ZNF385D: variants seen among roughly 807,000 people sequenced by gnomAD.
ZNF385D encodes zinc finger protein 659.
A neutral mutation model predicts 35.8 loss-of-function variants in ZNF385D; 15 were observed. The observed-to-expected ratio is 0.42, with a 90% confidence interval of 0.28 to 0.64. The LOEUF (loss-of-function observed/expected upper bound fraction) is 0.64. Ranked by LOEUF, ZNF385D falls within the 30% of genes least tolerant of loss-of-function variation. ZNF385D has a pLI of 0.23. For synonymous variants in ZNF385D, 212 were observed against 186.8 expected, an observed-to-expected ratio of 1.13 and a Z score of -1.10; for missense variants, 474 against 494.6, an observed-to-expected ratio of 0.96 and a Z score of 0.39.
chr3:21,799,446 A>G (rs146777945), intron 3 of ZNF385D, among the ~76,000 whole-genome samples: 17 of 152,254 alleles, frequency 1.1e-4, no homozygotes, highest in African/African-American at 4.1e-4. Context: ...AATTATAGGC[A>G]TCCTAGTGGG....
intron 2 of ZNF385D, among the ~76,000 whole-genome samples, chr3:22,277,154 TA>T (rs1196968872): frequency 6.6e-6 from 1 of 151,956 alleles, no homozygotes; most frequent in Non-Finnish European, 1.5e-5. Flanking sequence ...CAAAAGGAAG[TA>T]AAAAATGAAA....
chr3:22,102,570 A>G (rs965865243), intron 3 of ZNF385D, among the ~76,000 whole-genome samples: 1 of 152,090 alleles, frequency 6.6e-6, no homozygotes, highest in African/African-American at 2.4e-5. Context: ...GAAGATTAGC[A>G]ACTTCTTTGC....
intron 2 of ZNF385D, among the ~76,000 whole-genome samples, chr3:22,198,179 TAAAC>T (rs34450928): frequency 0.13 from 19,904 of 152,064 alleles, 1,518 homozygotes; most frequent in Middle Eastern, 0.23. Context: ...AGTGTCAAAA[TAAAC>T]AAAGAATTTC....
At chr3:21,742,039 T>C (rs1438423599) in intron 1 of ZNF385D, among the ~76,000 whole-genome samples, 2 of 151,824 alleles carry the variant, frequency 1.3e-5, no homozygotes, top group Non-Finnish European at 2.9e-5. Flanking sequence ...TAGCTGAACA[T>C]TTATTTCCAA....
chr3:22,041,000 G>C lies in ZNF385D; in HGVS notation c.325+127817C>G, dbSNP rs555925347. ...GTTCTTAGTATAGAAGCAGAGAATC[G>C]CATTTACTGGCTCAAGTAACTATAT... is the stretch of plus-strand genomic sequence containing the variant. On this transcript the variant is annotated intron_variant, in intron 3 of 5. Transcript: ENST00000494108. Among the ~76,000 whole-genome samples, 5 of 152,036 alleles carry C rather than the reference G, an allele frequency of 3.3e-5. No homozygotes were observed. The East Asian group carries it at 9.7e-4, about 29-fold the overall frequency.
At chr3:21,796,871 G>A (rs2072176669) in intron 3 of ZNF385D, among the ~76,000 whole-genome samples, 1 of 152,174 alleles carries the variant, frequency 6.6e-6, no homozygotes. Flanking sequence ...GTAACTTGTT[G>A]ACAGGTACAC....
intron 3 of ZNF385D, among the ~76,000 whole-genome samples, chr3:21,835,825 T>G (rs1002247085): frequency 1.3e-5 from 2 of 152,114 alleles, no homozygotes; most frequent in Admixed American, 1.3e-4. Flanking sequence ...TCCCTCCAAC[T>G]AAATGTCTCT....
At chr3:21,985,368 T>A (rs1365722802) in intron 3 of ZNF385D, among the ~76,000 whole-genome samples, 2 of 116,784 alleles carry the variant, frequency 1.7e-5, no homozygotes, top group Non-Finnish European at 3.5e-5. Context: ...TGAGAGTTTT[T>A]AGCATGAAGG....
At chr3:21,654,866 A>G (rs2066026592) in intron 2 of ZNF385D, among the ~76,000 whole-genome samples, 1 of 152,076 alleles carries the variant, frequency 6.6e-6, no homozygotes, top group Non-Finnish European at 1.5e-5. Flanking sequence ...GTCATGAAAC[A>G]AATATACTTG....
intron 3 of ZNF385D, among the ~76,000 whole-genome samples, chr3:22,127,844 A>G (rs185362472): frequency 1.3e-5 from 2 of 152,014 alleles, no homozygotes; most frequent in Middle Eastern, 3.4e-3. Context: ...ATATCATACT[A>G]TACTATCTAT....
intron 3 of ZNF385D, among the ~76,000 whole-genome samples, chr3:21,809,673 T>TACACATATAC (rs1559643974): frequency 2.5e-5 from 2 of 81,214 alleles, no homozygotes; most frequent in African/African-American, 9.7e-5. Flanking sequence ...TACACATATA[T>TACACATATAC]ACACACATAT....
chr3:21,654,110 T>C (rs767200151), intron 2 of ZNF385D, among the ~76,000 whole-genome samples: 12 of 151,964 alleles, frequency 7.9e-5, no homozygotes, highest in Non-Finnish European at 1.5e-4. Context: ...AAAAAAAAAC[T>C]TGAATATAGA....
intron 2 of ZNF385D, among the ~76,000 whole-genome samples, chr3:22,314,317 T>G (rs2125434079): frequency 6.6e-6 from 1 of 152,220 alleles, no homozygotes; most frequent in Non-Finnish European, 1.5e-5. Flanking sequence ...CGTATCATTC[T>G]TATGCCTTTG....
intron 2 of ZNF385D, among the ~76,000 whole-genome samples, chr3:22,189,273 C>G (rs192298666): frequency 2.4e-4 from 36 of 152,194 alleles, no homozygotes; most frequent in African/African-American, 8.2e-4. Context: ...GATTAACTTC[C>G]CTCTTACATA....
intron 3 of ZNF385D, among the ~76,000 whole-genome samples, chr3:22,050,829 C>A (rs1007361990): frequency 3.3e-5 from 5 of 152,182 alleles, no homozygotes; most frequent in African/African-American, 1.2e-4. Flanking sequence ...TCCTGACTTT[C>A]ACAATCTCTT....
intron 2 of ZNF385D, among the ~76,000 whole-genome samples, chr3:22,194,270 C>T (rs201788820): frequency 6.6e-6 from 1 of 151,648 alleles, no homozygotes; most frequent in Non-Finnish European, 1.5e-5. Context: ...TACATCGGTG[C>T]TATTTTATTA....
chr3:21,661,374 T>C (rs1037223910), intron 2 of ZNF385D, among the ~76,000 whole-genome samples: 1 of 152,194 alleles, frequency 6.6e-6, no homozygotes, highest in Non-Finnish European at 1.5e-5. Context: ...ACAAACTGAA[T>C]TGTTTTCATG....
intron 2 of ZNF385D, among the ~76,000 whole-genome samples, chr3:22,294,625 G>C (rs1702472449): frequency 6.6e-6 from 1 of 151,968 alleles, no homozygotes; most frequent in South Asian, 2.1e-4. Flanking sequence ...GAGTGAAAGA[G>C]ACCAGATTTG....
chr3:21,487,904 A>T lies in ZNF385D; in HGVS notation c.439+22957T>A, dbSNP rs77333545. Among the ~76,000 whole-genome samples, 323 of 152,292 alleles carry T rather than the reference A, an allele frequency of 2.1e-3. 2 individuals carry two copies. Among genetic ancestry groups the T allele is most frequent in the African/African-American group, 7.4e-3 (309 of 41,578 alleles). On this transcript the variant is annotated intron_variant, in intron 4 of 7. Transcript: ENST00000281523. ...TAAAACATCAGAATGCCTAACTTGTACTATGTGCTACAAATGTGTAAGCTA... is the reference window on the plus strand; with the variant it reads ...TAAAACATCAGAATGCCTAACTTGTTCTATGTGCTACAAATGTGTAAGCTA...
Sources: allele counts gnomAD v4.1 joint callset (sites outside exome capture counted in the v4.1 genomes callset), GRCh38; gene constraint gnomAD v4.1.1; transcripts MANE v1.5; gene names NCBI Gene and HGNC (gene_info 2026-07-23, HGNC 2026-07-21).